PCLO: variants seen among roughly 807,000 people sequenced by gnomAD.
PCLO encodes protein piccolo.
Under a neutral mutation model 427.5 loss-of-function variants are expected in PCLO, and 82 were observed. The ratio of observed to expected loss-of-function variants is 0.19; its 90% confidence interval spans 0.16 to 0.23. The LOEUF (loss-of-function observed/expected upper bound fraction) is 0.23, where lower values mean the gene tolerates loss of function less well. Among genes scored for constraint, PCLO ranks in the 10% least tolerant of loss-of-function variants. The pLI is 1.00. For synonymous variants in PCLO, 2,357 were observed against 2,155.4 expected, an observed-to-expected ratio of 1.09 and a Z score of -2.59; for missense variants, 6,239 against 6,115.9, an observed-to-expected ratio of 1.02 and a Z score of -0.67.
chr7:82,915,055 TAGA>T lies in PCLO; in HGVS notation c.12928_12930del (p.Ser4313del), dbSNP rs771356237. 98 of 1,612,814 alleles carry T rather than the reference TAGA, an allele frequency of 6.1e-5. No individual in the cohort carries two copies. In the East Asian group the frequency reaches 1.9e-3, roughly 31 times the overall value. ...TGAGCTTTCAGTCTTAGGGAAGAGC[TAGA>T]AGAATCCCTTTTAATTGATAAATCA... On this transcript the variant is annotated inframe_deletion, in exon 7 of 25. Coordinates refer to ENST00000333891, the MANE Select transcript of PCLO (RefSeq NM_033026.6).
At position 83,156,400 on chromosome 7, in the gene PCLO, A is replaced by T; in HGVS notation, c.249-8T>A. 3.2e-6 allele frequency: 4 copies of T among 1,264,214 alleles called. No homozygotes were observed. The highest frequency in any genetic ancestry group is 4.2e-6 in the Non-Finnish European group (4 of 947,020). The allele number at this position is 1,264,214 out of a possible 1,614,324, so 78.3% of individuals were successfully genotyped here. A position where few individuals can be genotyped will look rare whatever the true frequency, so the allele number is the denominator to read the frequency against. ...CTATCCAACTCTTGTTTCCTAGAAG[A>T]GTTAAAAAAAAAAAAAAAAATCAAG... On this transcript the variant is annotated splice_region_variant and splice_polypyrimidine_tract_variant and intron_variant, in intron 1 of 24. Transcript: ENST00000333891.
At chr7:83,026,216 C>T (rs1480819609) in intron 3 of PCLO, among the ~76,000 whole-genome samples, 7 of 151,040 alleles carry the variant, frequency 4.6e-5, no homozygotes, top group South Asian at 4.2e-4. Flanking sequence ...ACCCATCTCA[C>T]GTGCAGAGAC....
intron 3 of PCLO, among the ~76,000 whole-genome samples, chr7:83,099,929 C>T (rs774108758): frequency 2.0e-5 from 3 of 152,060 alleles, no homozygotes; most frequent in Admixed American, 6.6e-5. Flanking sequence ...TATAAGAAAG[C>T]ATACTATTTT....
intron 22 of PCLO, among the ~76,000 whole-genome samples, chr7:82,764,696 CAAAG>C (rs1790497589): frequency 6.6e-6 from 1 of 151,684 alleles, no homozygotes; most frequent in Non-Finnish European, 1.5e-5. Context: ...GCAAATAAGA[CAAAG>C]AAAGACACTG....
chr7:83,150,474 A>G (rs4644166), intron 2 of PCLO, among the ~76,000 whole-genome samples: 8,940 of 152,286 alleles, frequency 0.059, 579 homozygotes, highest in East Asian at 0.26. Flanking sequence ...TCCTCTTCAC[A>G]TAGATGTTTG....
intron 7 of PCLO, chr7:82,914,279 C>T (rs1026618155): frequency 2.3e-5 from 9 of 397,112 alleles, no homozygotes; most frequent in Non-Finnish European, 3.5e-5. Context: ...TGGCTCTAAA[C>T]TTTAATAATT....
chr7:83,139,229 G>T (rs1374368989), intron 2 of PCLO, among the ~76,000 whole-genome samples: 1 of 151,940 alleles, frequency 6.6e-6, no homozygotes, highest in Non-Finnish European at 1.5e-5. Context: ...CTTGAAAAAA[G>T]AACTGAATAA....
chr7:82,791,963 A>G (rs1220707269), intron 22 of PCLO, among the ~76,000 whole-genome samples: 2 of 152,040 alleles, frequency 1.3e-5, no homozygotes, highest in African/African-American at 4.8e-5. Flanking sequence ...TTTATTTTTA[A>G]ACTTTCAGTG....
intron 22 of PCLO, among the ~76,000 whole-genome samples, chr7:82,775,356 C>T (rs1790728080): frequency 6.6e-6 from 1 of 152,154 alleles, no homozygotes; most frequent in African/African-American, 2.4e-5. Flanking sequence ...TTCCCACTGG[C>T]AACGAATGAG....
chr7:82,787,880 C>T (rs182692296), intron 22 of PCLO, among the ~76,000 whole-genome samples: 2 of 152,194 alleles, frequency 1.3e-5, no homozygotes, highest in East Asian at 3.9e-4. Context: ...AGGAAATGAA[C>T]TCAAACTATC....
At chr7:83,007,057 G>C (rs2115962663) in intron 3 of PCLO, among the ~76,000 whole-genome samples, 1 of 151,542 alleles carries the variant, frequency 6.6e-6, no homozygotes, top group Non-Finnish European at 1.5e-5. Flanking sequence ...TGTTTGCTTT[G>C]TTTATAGATG....
intron 20 of PCLO, among the ~76,000 whole-genome samples, chr7:82,808,464 T>G (rs1305420518): frequency 5.3e-5 from 8 of 151,886 alleles, no homozygotes; most frequent in Admixed American, 2.0e-4. Context: ...AATAGCATAA[T>G]AAGAAGAAAG....
intron 3 of PCLO, among the ~76,000 whole-genome samples, chr7:83,071,287 C>T (rs1008512881): frequency 6.6e-6 from 1 of 152,112 alleles, no homozygotes; most frequent in African/African-American, 2.4e-5. Flanking sequence ...CTAGATATTT[C>T]ATGAAACTAC....
At chr7:82,880,678 C>T (rs1793485040) in intron 9 of PCLO, among the ~76,000 whole-genome samples, 1 of 152,082 alleles carries the variant, frequency 6.6e-6, no homozygotes, top group South Asian at 2.1e-4. Flanking sequence ...GCTAAACATC[C>T]TACAATGCAC....
At chr7:82,981,318 A>T (rs902832247) in intron 3 of PCLO, among the ~76,000 whole-genome samples, 5 of 152,064 alleles carry the variant, frequency 3.3e-5, no homozygotes, top group African/African-American at 1.2e-4. Flanking sequence ...TTACCCAGAG[A>T]TTATATGCAA....
At chr7:82,893,179 T>G (rs2116134290) in intron 9 of PCLO, among the ~76,000 whole-genome samples, 1 of 152,134 alleles carries the variant, frequency 6.6e-6, no homozygotes, top group African/African-American at 2.4e-5. Context: ...AAGCCAAATG[T>G]CCAACAATGA....
rs1009353102 is a variant in PCLO, at chr7:83,063,254, T to C, written c.3300+70996A>G. On this transcript the variant is annotated intron_variant, in intron 3 of 24. Coordinates refer to ENST00000333891, the MANE Select transcript of PCLO (RefSeq NM_033026.6). Reference sequence around the variant, plus strand: ...TAATTACTACTGCATTGTCTTCCCATGTAAATTAAGAACCTGGAATAGTGC... The same window carrying C: ...TAATTACTACTGCATTGTCTTCCCACGTAAATTAAGAACCTGGAATAGTGC... Among the ~76,000 whole-genome samples the C allele has an allele frequency of 2.0e-5, 3 of 152,226 alleles. No homozygotes were observed. In the South Asian group the frequency reaches 6.2e-4, roughly 32 times the overall value.
chr7:82,881,073 T>G (rs1319850754), intron 9 of PCLO, among the ~76,000 whole-genome samples: 1 of 152,070 alleles, frequency 6.6e-6, no homozygotes, highest in Admixed American at 6.6e-5. Flanking sequence ...CTTATAGAGG[T>G]ATGGCTAAAA....
intron 12 of PCLO, among the ~76,000 whole-genome samples, chr7:82,845,697 A>C (rs1172772097): frequency 1.3e-5 from 2 of 152,198 alleles, no homozygotes; most frequent in Non-Finnish European, 2.9e-5. Context: ...TGAATTACAG[A>C]GGAATAGTGA....
Sources: allele counts gnomAD v4.1 joint callset (sites outside exome capture counted in the v4.1 genomes callset), GRCh38; gene constraint gnomAD v4.1.1; transcripts MANE v1.5; gene names NCBI Gene and HGNC (gene_info 2026-07-23, HGNC 2026-07-21).